Variants in EIF4G3 observed in about 807,000 individuals in gnomAD.
EIF4G3 encodes eIF-4-gamma 3.
EIF4G3 carries 34 observed loss-of-function variants against 186.4 expected under a neutral mutation model. The ratio of observed to expected loss-of-function variants is 0.18; its 90% CI spans 0.14 to 0.24. EIF4G3 has a LOEUF of 0.24. Ranked by LOEUF, EIF4G3 falls within the 10% of genes least tolerant of loss-of-function variation. The probability of loss-of-function intolerance (pLI) is 1.00; values close to 1 mark genes in which losing one functional copy is unlikely to be tolerated. For synonymous variants in EIF4G3, 673 were observed against 679.5 expected (o/e 0.99, Z 0.15); for missense variants, 1,536 against 1,948.5 (o/e 0.79, Z 3.99).
chr1:21,129,106 C>T (rs1321916338), intron 2 of EIF4G3, among the ~76,000 whole-genome samples: 1 of 151,594 alleles, frequency 6.6e-6, no homozygotes, highest in Non-Finnish European at 1.5e-5. Context: ...CAAAGTCAGG[C>T]GTTCAAGACC....
intron 22 of EIF4G3, among the ~76,000 whole-genome samples, chr1:20,862,541 T>C (rs985069014): frequency 2.0e-5 from 3 of 152,016 alleles, no homozygotes; most frequent in African/African-American, 7.2e-5. Context: ...GCCTCTCGAG[T>C]AGCTGGGACT....
chr1:20,860,568 A>T (rs746476923), intron 23 of EIF4G3, 51 bp from the exon 24 acceptor site: 12 of 1,573,792 alleles, frequency 7.6e-6, no homozygotes, highest in South Asian at 3.5e-5. Context: ...AACATTTTTT[A>T]AAATTTAAAA....
chr1:20,898,656 A>G (rs1179753762), intron 16 of EIF4G3, among the ~76,000 whole-genome samples: 1 of 152,156 alleles, frequency 6.6e-6, no homozygotes, highest in Non-Finnish European at 1.5e-5. Flanking sequence ...GGTATTTTAC[A>G]CTCAAACCCC....
At chr1:21,020,364 C>A (rs1300891658) in intron 4 of EIF4G3, among the ~76,000 whole-genome samples, 1 of 152,080 alleles carries the variant, frequency 6.6e-6, no homozygotes, top group Non-Finnish European at 1.5e-5. Context: ...GTGGTGCATG[C>A]CTGTGGTCTG....
intron 10 of EIF4G3, among the ~76,000 whole-genome samples, chr1:20,977,066 T>TA (rs1327879400): frequency 2.1e-5 from 3 of 145,498 alleles, no homozygotes; most frequent in East Asian, 4.2e-4. Context: ...TAATTTAAGT[T>TA]AAAAAAACTT....
At chr1:20,967,880 G>A (rs2075041564) in intron 12 of EIF4G3, among the ~76,000 whole-genome samples, 1 of 152,080 alleles carries the variant, frequency 6.6e-6, no homozygotes, top group African/African-American at 2.4e-5. Flanking sequence ...TACCATCCAG[G>A]CATAAAAGAG....
In EIF4G3 at chr1:20,990,376, G is replaced by C. The variant is rs961503278; in HGVS notation, c.177+7225C>G. Among the ~76,000 whole-genome samples, 3 of 152,036 alleles carry C rather than the reference G, an allele frequency of 2.0e-5. No homozygotes were observed. The East Asian group carries it at 5.8e-4, about 29-fold the overall frequency. ...GAAAATCATTAGCATTTTTTAGCCAGAAAGTATTTAATTACCAGCCGGGTG... is the reference window on the plus strand; with the variant it reads ...GAAAATCATTAGCATTTTTTAGCCACAAAGTATTTAATTACCAGCCGGGTG... On this transcript the variant is annotated intron_variant, in intron 7 of 36. Coordinates refer to ENST00000602326, the MANE Select transcript of EIF4G3 (RefSeq NM_001391906.1).
At chr1:20,809,067 G>C (rs1014077410) in intron 36 of EIF4G3, among the ~76,000 whole-genome samples, 6 of 152,026 alleles carry the variant, frequency 3.9e-5, no homozygotes, top group Middle Eastern at 6.8e-3. Context: ...ACCGCCTCAT[G>C]GGTTCAAGTG....
chr1:20,894,649 G>A lies in EIF4G3; in HGVS notation c.2133+719C>T, dbSNP rs1424225754. On this transcript the variant is annotated intron_variant, in intron 17 of 36. Transcript: ENST00000602326. Reference sequence around the variant, plus strand: ...AATAATGAAACACTAGGCATAAATCGGTTAAGAGGTAGATATGATTCCATA... The same window carrying A: ...AATAATGAAACACTAGGCATAAATCAGTTAAGAGGTAGATATGATTCCATA... Among the ~76,000 whole-genome samples the A allele has an allele frequency of 4.6e-5, 7 of 152,086 alleles. No individual in the cohort carries two copies. In the East Asian group the frequency reaches 5.8e-4, roughly 13 times the overall value.
intron 7 of EIF4G3, among the ~76,000 whole-genome samples, chr1:20,992,744 G>A (rs2081388452): frequency 1.3e-5 from 2 of 152,162 alleles, no homozygotes; most frequent in Admixed American, 1.3e-4. Flanking sequence ...ATAATGAAAA[G>A]ACTACTTAGT....
intron 14 of EIF4G3, among the ~76,000 whole-genome samples, chr1:20,939,114 ATT>A (rs1558329452): frequency 6.5e-5 from 4 of 61,222 alleles, no homozygotes; most frequent in African/African-American, 8.3e-5. Context: ...CTTAAAAAAA[ATT>A]AAAAAAAAAA....
chr1:20,810,905 AG>A lies in EIF4G3; in HGVS notation c.4598-22del. 6.2e-7 allele frequency: 1 copy of A among 1,602,058 alleles called. No homozygotes were observed. Among genetic ancestry groups the A allele is most frequent in the Non-Finnish European group, 8.5e-7 (1 of 1,171,630 alleles). ...GTCGGCTAAAGGTGATAGAAGAACT[AG>A]GAATTACATTTAAGGAGTTAACATA... On this transcript the variant is annotated intron_variant, in intron 35 of 36. Transcript: ENST00000602326. The surrounding 1 kb of genome is among the most constrained non-coding windows in gnomAD (Gnocchi z 4.1).
At chr1:21,063,424 T>A (rs1204772281) in intron 3 of EIF4G3, among the ~76,000 whole-genome samples, 1 of 152,134 alleles carries the variant, frequency 6.6e-6, no homozygotes, top group Non-Finnish European at 1.5e-5. Context: ...CAAGAAACTA[T>A]GTGACAGTTG....
chr1:20,892,756 T>C (rs1431609870), intron 18 of EIF4G3: 1 of 1,429,086 alleles, frequency 7.0e-7, no homozygotes, highest in South Asian at 1.2e-5. Context: ...AAAGACATGA[T>C]CATTAGCTGA....
chr1:20,808,394 A>G (rs1417806144), intron 36 of EIF4G3, among the ~76,000 whole-genome samples: 1 of 151,978 alleles, frequency 6.6e-6, no homozygotes, highest in African/African-American at 2.4e-5. Flanking sequence ...TTAAAAATGA[A>G]GAGGTGGCCG....
At position 20,864,716 on chromosome 1, in the gene EIF4G3, T is replaced by C. The variant is rs1452020228; in HGVS notation, c.2770-4A>G. The C allele has an allele frequency of 1.2e-6, 2 of 1,609,918 alleles. No individual in the cohort carries two copies. Among genetic ancestry groups the C allele is most frequent in the African/African-American group, 2.7e-5 (2 of 74,818 alleles). ...GAAGCCTTGTCCTCTCCTCTGGCTG[T>C]TGTGTAAGGAGGAATAATAGCATCT... On this transcript the variant is annotated splice_polypyrimidine_tract_variant and splice_region_variant and intron_variant, in intron 21 of 36. Transcript: ENST00000602326.
rs926902823 is a variant in EIF4G3 at position 20,817,300 on chromosome 1, T to G, written c.4515+92A>C. On this transcript the variant is annotated intron_variant, in intron 34 of 36. Coordinates refer to ENST00000602326, the MANE Select transcript of EIF4G3 (RefSeq NM_001391906.1). ...AATAAAAAAAAATAAAAATAAAAATTCATGAAGTGAACTGATAGGTAAGCG... is the reference window on the plus strand; with the variant it reads ...AATAAAAAAAAATAAAAATAAAAATGCATGAAGTGAACTGATAGGTAAGCG... 2.0e-5 allele frequency: 13 copies of G among 656,502 alleles called. No homozygotes were observed. The African/African-American group carries it at 2.5e-4, about 13-fold the overall frequency. The allele number at this position is 656,502 out of a possible 1,614,324, so 40.7% of individuals were successfully genotyped here. A position where few individuals can be genotyped will look rare whatever the true frequency, so the allele number is the denominator to read the frequency against.
intron 14 of EIF4G3, among the ~76,000 whole-genome samples, chr1:20,918,636 T>C (rs1244955473): frequency 2.0e-5 from 3 of 151,962 alleles, no homozygotes; most frequent in Non-Finnish European, 2.9e-5. Context: ...ACATTTCTTT[T>C]GAAAAATCTT....
At position 21,132,805 on chromosome 1, in the gene EIF4G3, C is replaced by T. The variant is rs376066213; in HGVS notation, c.-272+43370G>A. On this transcript the variant is annotated intron_variant, in intron 2 of 36. Transcript: ENST00000602326. ...AAATTTTTATTTTATCTTTTGGAGA[C>T]AGGGTCTTGCTCTGTCACCCAGTCT... 3.9e-5 allele frequency among the ~76,000 whole-genome samples: 6 copies of T among 152,050 alleles called. No individual in the cohort carries two copies. In the South Asian group the frequency reaches 6.2e-4, roughly 16 times the overall value.
Sources: gnomAD v4.1 joint callset for allele counts (sites outside exome capture counted in the v4.1 genomes callset) on GRCh38, gnomAD v4.1.1 for gene constraint, Gnocchi (gnomAD v3.1) non-coding constraint, MANE v1.5 for transcripts, NCBI Gene and HGNC (gene_info 2026-07-23, HGNC 2026-07-21) for gene names.